FAM178B: variants seen among roughly 807,000 people sequenced by gnomAD.
FAM178B encodes protein FAM178B.
In FAM178B, 82 loss-of-function variants were observed where a neutral mutation model predicts 91.7. The ratio of observed to expected loss-of-function variants is 0.89; its 90% CI spans 0.75 to 1.07. The LOEUF (loss-of-function observed/expected upper bound fraction) is 1.07. FAM178B is among the 50% of genes least tolerant of loss of function. FAM178B has a pLI of 0.00. For synonymous variants in FAM178B, 368 were observed against 359.4 expected (o/e 1.02, Z -0.27); for missense variants, 769 against 846.7 (o/e 0.91, Z 1.14).
intron 13 of FAM178B, chr2:96,898,228 C>G: frequency 1.5e-6 from 1 of 664,464 alleles, no homozygotes; most frequent in African/African-American, 2.0e-5. Flanking sequence ...TGTCTGTGAA[C>G]CGGGACTAAA....
chr2:96,985,842 C>T (rs1310297816), intron 1 of FAM178B, among the ~76,000 whole-genome samples: 1 of 152,200 alleles, frequency 6.6e-6, no homozygotes, highest in Non-Finnish European at 1.5e-5. Flanking sequence ...AGAAAACGGT[C>T]TCCAGCATCA....
chr2:96,904,112 AGATGC>A (rs2080985542), intron 12 of FAM178B, among the ~76,000 whole-genome samples: 1 of 152,142 alleles, frequency 6.6e-6, no homozygotes, highest in Non-Finnish European at 1.5e-5. Flanking sequence ...AAAGATGTGT[AGATGC>A]CCACCCCATG....
intron 8 of FAM178B, among the ~76,000 whole-genome samples, chr2:96,931,456 C>T (rs2081537428): frequency 6.6e-6 from 1 of 151,980 alleles, no homozygotes; most frequent in African/African-American, 2.4e-5. Context: ...AGGTGGTGAG[C>T]GGACAAGACA....
intron 7 of FAM178B, among the ~76,000 whole-genome samples, chr2:96,949,524 T>C (rs1348722006): frequency 6.6e-6 from 1 of 152,028 alleles, no homozygotes; most frequent in Non-Finnish European, 1.5e-5. Context: ...TGGGTCCAGC[T>C]CCTCCTGGGG....
rs558867160 is a variant in FAM178B, at chr2:96,977,452, A to AT, written c.74-4847dup. Among the ~76,000 whole-genome samples the AT allele has an allele frequency of 8.2e-3, 1,113 of 135,374 alleles. 8 individuals are homozygous for AT. Among genetic ancestry groups the AT allele is most frequent in the African/African-American group, 0.024 (895 of 37,032 alleles). The allele number at this position is 135,374 out of a possible 152,430, so 88.8% of individuals were successfully genotyped here. ...ACGTGAACGACCGTGCCTTTTGGGA[A>AT]TTTTTTTTTTTTTTTTTTGGTGGGG... On this transcript the variant is annotated intron_variant, in intron 1 of 16. Transcript: ENST00000490605.
intron 14 of FAM178B, among the ~76,000 whole-genome samples, chr2:96,889,798 A>C (rs1329517404): frequency 6.6e-6 from 1 of 151,972 alleles, no homozygotes; most frequent in East Asian, 1.9e-4. Context: ...GAGGAGTATA[A>C]TATGCAATAG....
intron 7 of FAM178B, among the ~76,000 whole-genome samples, chr2:96,949,548 T>TAC (rs2081889789): frequency 1.3e-5 from 2 of 152,182 alleles, no homozygotes; most frequent in Middle Eastern, 3.4e-3. Flanking sequence ...AGCATGCCCC[T>TAC]ACCCTGGGAC....
intron 14 of FAM178B, among the ~76,000 whole-genome samples, chr2:96,884,210 A>T (rs1215401036): frequency 6.6e-6 from 1 of 151,888 alleles, no homozygotes; most frequent in African/African-American, 2.4e-5. Context: ...CGGCATGGGG[A>T]GGGTTCCTGA....
At position 96,876,310 on chromosome 2, in the gene FAM178B, T is replaced by C; in HGVS notation, c.2008-2A>G. 5 of 1,601,808 alleles carry C rather than the reference T, an allele frequency of 3.1e-6. No individual in the cohort carries two copies. The highest frequency in any genetic ancestry group is 4.3e-6 in the Non-Finnish European group (5 of 1,175,452). ...TTTCCAGGGGCTGAAATACTGGGCC[T>C]GCGGCGAGGAGAAAAGCAGGCTGTG... On this transcript the variant is annotated splice_acceptor_variant, in intron 16 of 16. Coordinates refer to ENST00000490605, the MANE Select transcript of FAM178B (RefSeq NM_001122646.3). LOFTEE classifies it high-confidence loss of function.
intron 14 of FAM178B, among the ~76,000 whole-genome samples, chr2:96,881,616 G>A (rs1212049051): frequency 3.3e-5 from 5 of 152,082 alleles, no homozygotes; most frequent in Admixed American, 6.5e-5. Flanking sequence ...TCTGAGATCT[G>A]AGGAATGCCC....
intron 12 of FAM178B, among the ~76,000 whole-genome samples, chr2:96,905,809 T>C (rs1335065533): frequency 4.7e-5 from 3 of 63,676 alleles, no homozygotes; most frequent in Admixed American, 2.4e-4. Context: ...AAAATATACA[T>C]ATATGTGTGT....
At position 96,957,980 on chromosome 2, in the gene FAM178B, T is replaced by C. The variant is rs147730464; in HGVS notation, c.887+2308A>G. 1.6e-3 allele frequency among the ~76,000 whole-genome samples: 245 copies of C among 152,134 alleles called. 2 individuals carry two copies. The highest frequency in any genetic ancestry group is 3.3e-3 in the South Asian group (16 of 4,818). ...GAAAATGGTTAAATATGTTAGGGCA[T>C]CAATGTAATAAAGTATTAGTTCATT... is the stretch of plus-strand genomic sequence containing the variant. On this transcript the variant is annotated intron_variant, in intron 6 of 16. Coordinates refer to ENST00000490605, the MANE Select transcript of FAM178B (RefSeq NM_001122646.3).
chr2:96,897,855 G>A (rs1319541892), intron 13 of FAM178B: 3 of 622,444 alleles, frequency 4.8e-6, no homozygotes, highest in Non-Finnish European at 6.0e-6. Flanking sequence ...CCACTTCTGC[G>A]CAGAAGTCAA....
intron 5 of FAM178B, among the ~76,000 whole-genome samples, chr2:96,961,907 T>A (rs1195153416): frequency 1.3e-5 from 2 of 152,242 alleles, no homozygotes; most frequent in Non-Finnish European, 2.9e-5. Flanking sequence ...TCAGGAAGCA[T>A]CTCACCAAAC....
chr2:96,950,002 G>A (rs760565913), intron 7 of FAM178B: 44 of 985,772 alleles, frequency 4.5e-5, no homozygotes, highest in Non-Finnish European at 5.1e-5. Flanking sequence ...GCTGGGTCCT[G>A]CACTCCTCTC....
At chr2:96,885,452 C>A (rs1180074705) in intron 14 of FAM178B, among the ~76,000 whole-genome samples, 2 of 152,242 alleles carry the variant, frequency 1.3e-5, no homozygotes, top group East Asian at 3.9e-4. Context: ...GGGCCCTGAG[C>A]AGCCCTGGCT....
intron 1 of FAM178B, among the ~76,000 whole-genome samples, chr2:96,980,613 G>A (rs181486088): frequency 2.6e-5 from 4 of 152,050 alleles, no homozygotes; most frequent in Admixed American, 2.6e-4. Context: ...ATGTTGCCCA[G>A]GTTGGTCTCA....
At chr2:96,904,312 C>T (rs1402434849) in intron 12 of FAM178B, among the ~76,000 whole-genome samples, 5 of 152,106 alleles carry the variant, frequency 3.3e-5, no homozygotes, top group South Asian at 2.1e-4. Flanking sequence ...ACAACATGAA[C>T]GACCTCCAGT....
intron 12 of FAM178B, among the ~76,000 whole-genome samples, chr2:96,904,148 G>C (rs969531828): frequency 6.6e-6 from 1 of 152,004 alleles, no homozygotes; most frequent in Admixed American, 6.6e-5. Flanking sequence ...CTACTCCTAG[G>C]TACAAAGTTG....
Sources: allele counts gnomAD v4.1 joint callset (sites outside exome capture counted in the v4.1 genomes callset), GRCh38; gene constraint gnomAD v4.1.1; transcripts MANE v1.5; gene names NCBI Gene and HGNC (gene_info 2026-07-23, HGNC 2026-07-21).